The following CACHD1 variants were observed in gnomAD, a reference collection of about 807,000 sequenced individuals.
CACHD1 encodes the protein VWFA and cache domain-containing protein 1.
In CACHD1, 71 loss-of-function variants were observed where a neutral mutation model predicts 138.7. The ratio of observed to expected loss-of-function variants is 0.51; its 90% CI spans 0.42 to 0.62. CACHD1 has a LOEUF of 0.62. Ranked by LOEUF, CACHD1 falls within the 20% of genes least tolerant of loss-of-function variation. The pLI, the probability that CACHD1 is intolerant of heterozygous loss-of-function variation, is 0.00. For synonymous variants in CACHD1, 578 were observed against 591.5 expected (o/e 0.98, Z 0.33); for missense variants, 1,389 against 1,625.3 (o/e 0.85, Z 2.50).
intron 1 of CACHD1, among the ~76,000 whole-genome samples, chr1:64,534,758 T>G (rs1646618569): frequency 6.6e-6 from 1 of 152,212 alleles, no homozygotes; most frequent in Non-Finnish European, 1.5e-5. Context: ...GACTGGCAAG[T>G]GAGCATTTCT....
intron 12 of CACHD1, among the ~76,000 whole-genome samples, chr1:64,655,772 A>T (rs1170075450): frequency 2.0e-5 from 3 of 152,158 alleles, no homozygotes; most frequent in Admixed American, 6.5e-5. Flanking sequence ...GACCCTAAAT[A>T]CTATAACTGA....
chr1:64,598,432 A>G (rs1237467293), intron 3 of CACHD1, among the ~76,000 whole-genome samples: 1 of 152,216 alleles, frequency 6.6e-6, no homozygotes, highest in Non-Finnish European at 1.5e-5. Context: ...AATGAATATT[A>G]TGAAATAAAA....
chr1:64,613,109 A>T (rs1647589499), intron 4 of CACHD1, among the ~76,000 whole-genome samples: 1 of 152,230 alleles, frequency 6.6e-6, no homozygotes, highest in Non-Finnish European at 1.5e-5. Context: ...CAAATGTGGT[A>T]GAAATACCAG....
At chr1:64,566,607 T>C (rs1646884885) in intron 2 of CACHD1, among the ~76,000 whole-genome samples, 2 of 98,140 alleles carry the variant, frequency 2.0e-5, no homozygotes, top group South Asian at 6.6e-4. Flanking sequence ...TGAAGGTTAG[T>C]ATGAGGCTTT....
intron 1 of CACHD1, among the ~76,000 whole-genome samples, chr1:64,507,734 T>C (rs1646388569): frequency 6.6e-6 from 1 of 152,252 alleles, no homozygotes. Flanking sequence ...AGAAAATAGC[T>C]TCTTTTTGAT....
chr1:64,519,586 A>T (rs183500273), intron 1 of CACHD1, among the ~76,000 whole-genome samples: 6 of 152,270 alleles, frequency 3.9e-5, no homozygotes, highest in Admixed American at 2.0e-4. Flanking sequence ...GAAAAGCATT[A>T]CCAGTGACTG....
At position 64,681,552 on chromosome 1, in the gene CACHD1, T is replaced by TTTTTTTG. The variant is rs1557555848; in HGVS notation, c.3484+223_3484+224insGTTTTTT. 2.9e-3 allele frequency among the ~76,000 whole-genome samples: 279 copies of TTTTTTTG among 94,690 alleles called. 8 individuals are homozygous for TTTTTTTG. Among genetic ancestry groups the TTTTTTTG allele is most frequent in the African/African-American group, 0.011 (276 of 25,766 alleles). 62.1% of individuals were successfully genotyped at this position (94,690 alleles called of 152,430 possible). ...AAAGATTTTATTGTGTTTTTTTTTT[T>TTTTTTTG]TTTTTTTTTTTTGCATTAAGTGTGT... On this transcript the variant is annotated intron_variant, in intron 25 of 26. Transcript: ENST00000651257.
intron 1 of CACHD1, among the ~76,000 whole-genome samples, chr1:64,485,128 A>G (rs539027185): frequency 9.2e-5 from 14 of 152,184 alleles, no homozygotes; most frequent in African/African-American, 3.4e-4. Context: ...CCTTACCAAT[A>G]CTTGTTTTTT....
At chr1:64,471,082 G>A in intron 1 of CACHD1, 140 bp downstream of exon 1, 1 of 771,940 alleles carries the variant, frequency 1.3e-6, no homozygotes, top group Non-Finnish European at 2.0e-6. Flanking sequence ...GGACCCCTCT[G>A]TCCTCTGCAC....
rs112089755 is a variant in CACHD1 at position 64,606,106 on chromosome 1, A to AACACACACACACACACACACACAC, written c.517+3195_517+3218dup. The stretch of plus-strand genomic sequence containing the variant: ...CTTTTGTTCTAGGTCAGGAGCTGTA[A>AACACACACACACACACACACACAC]ACACACACACACACACACACACACG... On this transcript the variant is annotated intron_variant, in intron 4 of 26. Transcript: ENST00000651257. Among the ~76,000 whole-genome samples the AACACACACACACACACACACACAC allele has an allele frequency of 4.2e-3, 624 of 148,924 alleles. 2 individuals are homozygous for AACACACACACACACACACACACAC. The highest frequency in any genetic ancestry group is 0.025 in the Middle Eastern group (7 of 284).
In CACHD1 at chr1:64,664,677, A is replaced by G. The variant is rs1273584360; in HGVS notation, c.2274A>G (p.Gln758=). ...AAGCATTTGATCCCACTAGGAGACAATGGTGAGTTTTAGGGGCTTCCGTTA... is the reference window on the plus strand; with the variant it reads ...AAGCATTTGATCCCACTAGGAGACAGTGGTGAGTTTTAGGGGCTTCCGTTA... ...MDKAFDPTRR[Q]WYLHAVANPG... is the part of the protein sequence containing the mutation. Residue 758 remains glutamine, a splice_region_variant and synonymous_variant, in exon 15 of 27, where the codon CAA becomes CAG. Transcript: ENST00000651257. 11 of 1,613,930 alleles carry G rather than the reference A, an allele frequency of 6.8e-6. No homozygotes were observed. The South Asian group carries it at 1.2e-4, about 18-fold the overall frequency.
Position 64,470,492 on chromosome 1 carries a change from G to A in CACHD1, c.-253G>A, listed in dbSNP as rs1207110763. Among the ~76,000 whole-genome samples, 2 of 151,288 alleles carry A rather than the reference G, an allele frequency of 1.3e-5. No individual in the cohort carries two copies. Among genetic ancestry groups the A allele is most frequent in the African/African-American group, 2.4e-5 (1 of 41,304 alleles). The stretch of plus-strand genomic sequence containing the variant: ...GCGCCGCGGGGCCCGTGTGGGCGCC[G>A]GGCTCCGGGGACCGCTCGGGCGGCC... On this transcript the variant is annotated 5_prime_UTR_variant, in exon 1 of 27. Coordinates refer to ENST00000651257, the MANE Select transcript of CACHD1 (RefSeq NM_020925.4). This position sits in a 1 kb window ranked among gnomAD's most constrained non-coding sequence, Gnocchi z 5.2.
Position 64,663,630 on chromosome 1 carries a change from G to A in CACHD1, c.1952-65G>A, listed in dbSNP as rs1242258742. The A allele has an allele frequency of 1.0e-5, 16 of 1,592,938 alleles. No homozygotes were observed. In the South Asian group the frequency reaches 1.6e-4, roughly 16 times the overall value. ...GACAGATTGGCAGAGCCCGAGTGAT[G>A]CCTTTGTTTGGGATGAGATAGAGTC... is the stretch of plus-strand genomic sequence containing the variant. On this transcript the variant is annotated intron_variant, in intron 13 of 26. Coordinates refer to ENST00000651257, the MANE Select transcript of CACHD1 (RefSeq NM_020925.4).
chr1:64,559,837 TAG>T (rs1266899935), intron 2 of CACHD1, among the ~76,000 whole-genome samples: 1 of 152,064 alleles, frequency 6.6e-6, no homozygotes, highest in East Asian at 1.9e-4. Flanking sequence ...TAGATATAGA[TAG>T]AGTTTCTTAT....
At chr1:64,655,505 A>C (rs1297787699) in intron 12 of CACHD1, among the ~76,000 whole-genome samples, 1 of 152,180 alleles carries the variant, frequency 6.6e-6, no homozygotes, top group Non-Finnish European at 1.5e-5. Context: ...GAGACATGAA[A>C]GCATAAGTAC....
In CACHD1 at chr1:64,531,236, C is replaced by T. The variant is rs1020750862; in HGVS notation, c.199-19358C>T. On this transcript the variant is annotated intron_variant, in intron 1 of 26. Coordinates refer to ENST00000651257, the MANE Select transcript of CACHD1 (RefSeq NM_020925.4). ...CTAGAGTCTGTAAGTTGGACAGTTT[C>T]AGGGAGTCCAATTCATTGTGTTTGG... Among the ~76,000 whole-genome samples, 6 of 152,294 alleles carry T rather than the reference C, an allele frequency of 3.9e-5. No homozygotes were observed. In the East Asian group the frequency reaches 9.6e-4, roughly 24 times the overall value.
At chr1:64,614,800 A>C (rs1647653576) in intron 4 of CACHD1, among the ~76,000 whole-genome samples, 1 of 152,142 alleles carries the variant, frequency 6.6e-6, no homozygotes, top group Admixed American at 6.5e-5. Context: ...TTCCCCTGCT[A>C]CTGTGGTAAA....
At chr1:64,607,716 A>G (rs1647384936) in intron 4 of CACHD1, among the ~76,000 whole-genome samples, 1 of 152,194 alleles carries the variant, frequency 6.6e-6, no homozygotes, top group South Asian at 2.1e-4. Flanking sequence ...ATTCATTCAT[A>G]GCAAGAAGAG....
intron 10 of CACHD1, 26 bp downstream of exon 10, chr1:64,652,336 G>A: frequency 6.4e-7 from 1 of 1,569,302 alleles, no homozygotes; most frequent in Non-Finnish European, 8.6e-7. Flanking sequence ...TTCATCCTAA[G>A]AATACTTTTT....
Sources: gnomAD v4.1 joint callset for allele counts (sites outside exome capture counted in the v4.1 genomes callset) on GRCh38, gnomAD v4.1.1 for gene constraint, Gnocchi (gnomAD v3.1) non-coding constraint, MANE v1.5 for transcripts, NCBI Gene and HGNC (gene_info 2026-07-23, HGNC 2026-07-21) for gene names.